ZIC4: variants seen among roughly 807,000 people sequenced by gnomAD.
ZIC4 encodes the protein zinc finger protein ZIC 4.
A neutral mutation model predicts 28.8 loss-of-function variants in ZIC4; 15 were observed. The observed-to-expected ratio is 0.52, with a 90% CI of 0.35 to 0.80. ZIC4 has a LOEUF of 0.80. ZIC4 is among the 30% of genes least tolerant of loss of function. The pLI, the probability that ZIC4 is intolerant of heterozygous loss-of-function variation, is 0.01. For synonymous variants in ZIC4, 220 were observed against 198.1 expected (o/e 1.11, Z -0.93); for missense variants, 512 against 467.1 (o/e 1.10, Z -0.89).
At chr3:147,388,912 T>A in intron 4 of ZIC4, 53 bp from the exon 5 acceptor site, 1 of 777,318 alleles carries the variant, frequency 1.3e-6, no homozygotes. Flanking sequence ...CCAAACATTT[T>A]GTTTTATTTC....
intron 3 of ZIC4, chr3:147,392,563 G>C (rs987813257): frequency 2.2e-6 from 1 of 454,018 alleles, no homozygotes. Flanking sequence ...GCCTCCCAGC[G>C]CTCTGAGTTA....
Position 147,388,480 on chromosome 3 carries a change from T to A in ZIC4, c.*379A>T. 1 of 263,392 alleles carries A rather than the reference T, an allele frequency of 3.8e-6. No homozygotes were observed. Among genetic ancestry groups the A allele is most frequent in the Non-Finnish European group, 7.1e-6 (1 of 141,244 alleles). 16.3% of individuals were successfully genotyped at this position (263,392 alleles called of 1,614,324 possible). On this transcript the variant is annotated 3_prime_UTR_variant, in exon 5 of 5. Coordinates refer to ENST00000383075, the MANE Select transcript of ZIC4 (RefSeq NM_032153.6). The stretch of plus-strand genomic sequence containing the variant: ...GGGGCTGAGCGGCGATTCAAGCGGC[T>A]CTTTTCTTCCTTCACATTATTATCC...
At chr3:147,401,063 C>A (rs2087156824) in intron 2 of ZIC4, among the ~76,000 whole-genome samples, 1 of 152,156 alleles carries the variant, frequency 6.6e-6, no homozygotes, top group South Asian at 2.1e-4. Flanking sequence ...TTCTTGGGGA[C>A]CTATTTGGAG....
At position 147,396,538 on chromosome 3, in the gene ZIC4, G is replaced by T; in HGVS notation, c.71-69C>A. 1.4e-6 allele frequency: 2 copies of T among 1,477,622 alleles called. No homozygotes were observed. Among genetic ancestry groups the T allele is most frequent in the East Asian group, 2.4e-5 (1 of 42,314 alleles). The allele number at this position is 1,477,622 out of a possible 1,614,324, so 91.5% of individuals were successfully genotyped here. A position where few individuals can be genotyped will look rare whatever the true frequency, so the allele number is the denominator to read the frequency against. ...GCTGCGCGCTCTTCCCTGGGCCCCG[G>T]GGGGCAGGCCCAGCCCTGCCGCACT... On this transcript the variant is annotated intron_variant, in intron 2 of 4. Transcript: ENST00000383075. The surrounding 1 kb of genome is among the most constrained non-coding windows in gnomAD (Gnocchi z 4.2).
intron 3 of ZIC4, among the ~76,000 whole-genome samples, chr3:147,395,412 C>T (rs1485450992): frequency 6.6e-6 from 1 of 152,192 alleles, no homozygotes; most frequent in Non-Finnish European, 1.5e-5. Context: ...GCTCCAGGGC[C>T]TGGTAACCTC....
At position 147,402,890 on chromosome 3, in the gene ZIC4, T is replaced by C; in HGVS notation, c.-15-78A>G. On this transcript the variant is annotated intron_variant, in intron 1 of 4. Transcript: ENST00000383075. ...GTGTGGCAACATCCTGTGGTTTGAA[T>C]GTATGAATGAAAGAAGGAGTTGATC... 2.5e-6 allele frequency: 3 copies of C among 1,198,796 alleles called. No individual in the cohort carries two copies. In the South Asian group the frequency reaches 4.0e-5, roughly 16 times the overall value. The allele number at this position is 1,198,796 out of a possible 1,614,324, so 74.3% of individuals were successfully genotyped here.
In ZIC4 at chr3:147,388,706, T is replaced by A; in HGVS notation, c.*153A>T. 1.5e-6 allele frequency: 1 copy of A among 649,798 alleles called. No homozygotes were observed. The highest frequency in any genetic ancestry group is 2.8e-6 in the Non-Finnish European group (1 of 357,486). The allele number at this position is 649,798 out of a possible 1,614,324, so 40.3% of individuals were successfully genotyped here. A position where few individuals can be genotyped will look rare whatever the true frequency, so the allele number is the denominator to read the frequency against. ...TGGCCTTTCAGGATTTCAGTGCGAC[T>A]TGCACATTGCCATAGAAATCCTAAC... On this transcript the variant is annotated 3_prime_UTR_variant, in exon 5 of 5. Transcript: ENST00000383075.
chr3:147,396,660 C>T lies in ZIC4; in HGVS notation c.71-191G>A, dbSNP rs1278304242. 3 of 640,678 alleles carry T rather than the reference C, an allele frequency of 4.7e-6. No homozygotes were observed. Among genetic ancestry groups the T allele is most frequent in the South Asian group, 7.5e-5 (2 of 26,828 alleles). The allele number at this position is 640,678 out of a possible 1,614,324, so 39.7% of individuals were successfully genotyped here. A position where few individuals can be genotyped will look rare whatever the true frequency, so the allele number is the denominator to read the frequency against. ...GCCAAACACCTCCGCCGCCATTGGG[C>T]CGAATTGCTGTTGGGCCAAGTCCCC... is the stretch of plus-strand genomic sequence containing the variant. On this transcript the variant is annotated intron_variant, in intron 2 of 4. Transcript: ENST00000383075. The surrounding 1 kb of genome is among the most constrained non-coding windows in gnomAD (Gnocchi z 4.2).
chr3:147,391,896 C>T, intron 3 of ZIC4: 6 of 898,326 alleles, frequency 6.7e-6, no homozygotes, highest in Non-Finnish European at 8.0e-6. Flanking sequence ...GAGATTTTTA[C>T]AGGAATGGAG....
intron 3 of ZIC4, among the ~76,000 whole-genome samples, chr3:147,394,109 T>A (rs904618521): frequency 2.7e-4 from 40 of 149,472 alleles, no homozygotes; most frequent in Non-Finnish European, 5.3e-4. Context: ...TGAGAAATAT[T>A]TTTTTTCCCT....
In ZIC4 at chr3:147,402,809, G is replaced by A. The variant is rs1013134237; in HGVS notation, c.-12C>T. ...GTCTTGTATCTCATTTTCTGACTTT[G>A]AGCCTGTTTGGGAAGAAAAGAGTGA... On this transcript the variant is annotated 5_prime_UTR_variant, in exon 2 of 5. Transcript: ENST00000383075. The A allele has an allele frequency of 1.9e-6, 3 of 1,613,248 alleles. No homozygotes were observed. The highest frequency in any genetic ancestry group is 3.3e-5 in the Admixed American group (2 of 59,870).
chr3:147,400,595 A>G (rs1419014470), intron 2 of ZIC4, among the ~76,000 whole-genome samples: 7 of 152,222 alleles, frequency 4.6e-5, no homozygotes, highest in Non-Finnish European at 1.0e-4. Context: ...GGCTAAACCC[A>G]GCAATGGGAC....
intron 2 of ZIC4, among the ~76,000 whole-genome samples, chr3:147,398,114 C>T (rs147385147): frequency 6.6e-6 from 1 of 152,314 alleles, no homozygotes; most frequent in Non-Finnish European, 1.5e-5. Flanking sequence ...ACCCGCAGGC[C>T]TGCTGGCCAA....
In ZIC4 at chr3:147,394,468, T is replaced by TAA. The variant is rs3058048; in HGVS notation, c.688+1382_688+1383dup. Among the ~76,000 whole-genome samples the TAA allele has an allele frequency of 7.0e-3, 965 of 137,364 alleles. 5 individuals carry two copies. The highest frequency in any genetic ancestry group is 0.015 in the Middle Eastern group (4 of 268). The allele number at this position is 137,364 out of a possible 152,430, so 90.1% of individuals were successfully genotyped here. Reference sequence around the variant, plus strand: ...AAAGAGCTGTAAAAGTTTGTTTGTTTAAAAAAAAAAAAAAAAAAACCCTGT... The same window carrying TAA: ...AAAGAGCTGTAAAAGTTTGTTTGTTTAAAAAAAAAAAAAAAAAAAAACCCTGT... On this transcript the variant is annotated intron_variant, in intron 3 of 4. Coordinates refer to ENST00000383075, the MANE Select transcript of ZIC4 (RefSeq NM_032153.6).
rs531852615 is a variant in ZIC4 at position 147,388,030 on chromosome 3, G to T, written c.*829C>A. 6.5e-6 allele frequency: 1 copy of T among 152,714 alleles called. No individual in the cohort carries two copies. The highest frequency in any genetic ancestry group is 1.9e-4 in the East Asian group (1 of 5,176). The allele number at this position is 152,714 out of a possible 1,614,324, so 9.5% of individuals were successfully genotyped here. ...CAGTCAAGATGCACAGAGTCCTTGT[G>T]CTCCTCCCTTTCCTGAAAGTGTCCC... On this transcript the variant is annotated 3_prime_UTR_variant, in exon 5 of 5. Coordinates refer to ENST00000383075, the MANE Select transcript of ZIC4 (RefSeq NM_032153.6).
At chr3:147,405,572 G>C in intron 1 of ZIC4, 1 of 1,276,224 alleles carries the variant, frequency 7.8e-7, no homozygotes, top group Non-Finnish European at 1.1e-6. Context: ...AATGCCCCTG[G>C]GTCTAGGCTA....
rs778224178 is a variant in ZIC4, at chr3:147,396,321, C to T, written c.219G>A (p.Ala73=). 3.8e-6 allele frequency: 6 copies of T among 1,594,242 alleles called. No individual in the cohort carries two copies. In the East Asian group the frequency reaches 1.3e-4, roughly 36 times the overall value. ...LRLGLPGDMY[A]RPEPFPPGPA... is the part of the protein sequence containing the mutation. ...GCCCTGGCGGGAAGGGCTCCGGCCG[C>T]GCGTACATGTCTCCAGGGAGCCCCA... The change falls in exon 3 of 5, where the codon GCG becomes GCA. Residue 73 remains alanine (A), a synonymous_variant. Transcript: ENST00000383075. The surrounding 1 kb of genome is among the most constrained non-coding windows in gnomAD (Gnocchi z 4.2).
At position 147,389,132 on chromosome 3, in the gene ZIC4, T is replaced by C. The variant is rs149349469; in HGVS notation, c.*-273A>G. On this transcript the variant is annotated intron_variant, in intron 4 of 4. Coordinates refer to ENST00000383075, the MANE Select transcript of ZIC4 (RefSeq NM_032153.6). ...TGCCCGCGCTGGGTCAGGCAGCCTCTGGGCCCTATTGTATTAGGTGTAGGC... is the reference window on the plus strand; with the variant it reads ...TGCCCGCGCTGGGTCAGGCAGCCTCCGGGCCCTATTGTATTAGGTGTAGGC... 6.9e-5 allele frequency: 38 copies of C among 552,344 alleles called. No individual in the cohort carries two copies. The East Asian group carries it at 1.1e-3, about 17-fold the overall frequency. 34.2% of individuals were successfully genotyped at this position (552,344 alleles called of 1,614,324 possible).
At chr3:147,404,967 A>G (rs563589629) in intron 1 of ZIC4, among the ~76,000 whole-genome samples, 1 of 152,234 alleles carries the variant, frequency 6.6e-6, no homozygotes, top group East Asian at 1.9e-4. Flanking sequence ...CAGAGCAAAA[A>G]CCCTGAAAGC....
Sources: gnomAD v4.1 joint callset for allele counts (sites outside exome capture counted in the v4.1 genomes callset) on GRCh38, gnomAD v4.1.1 for gene constraint, Gnocchi (gnomAD v3.1) non-coding constraint, MANE v1.5 for transcripts, NCBI Gene and HGNC (gene_info 2026-07-23, HGNC 2026-07-21) for gene names.